Variants in SH3KBP1 observed in about 807,000 individuals in gnomAD.
SH3KBP1 encodes SH3 domain containing kinase binding protein 1.
Under a neutral mutation model 50.1 loss-of-function variants are expected in SH3KBP1, and 8 were observed. The ratio of observed to expected loss-of-function variants is 0.16; its 90% CI spans 0.09 to 0.29. The LOEUF is 0.29. SH3KBP1 is among the 10% of genes least tolerant of loss of function. SH3KBP1 has a pLI of 1.00. For missense variants in SH3KBP1, 377 were observed against 535.2 expected (o/e 0.70, Z 2.92); for synonymous variants, 227 against 218.6 (o/e 1.04, Z -0.34).
intron 2 of SH3KBP1, among the ~76,000 whole-genome samples, chrX:19,764,726 G>A (rs1358519288): frequency 9.0e-6 from 1 of 110,527 alleles, no homozygotes; most frequent in Non-Finnish European, 1.9e-5. Context: ...CCTATGTCGG[G>A]GGTAGTGTTA....
intron 13 of SH3KBP1, among the ~76,000 whole-genome samples, chrX:19,562,303 T>C (rs184010568): frequency 2.8e-4 from 31 of 110,961 alleles, no homozygotes; most frequent in Admixed American, 6.7e-4. Flanking sequence ...AAGCCATAAC[T>C]GGGCTCTGCC....
chrX:19,778,767 G>C (rs771509452), intron 2 of SH3KBP1, among the ~76,000 whole-genome samples: 1 of 110,740 alleles, frequency 9.0e-6, no homozygotes, highest in Non-Finnish European at 1.9e-5. Context: ...GCTTCCAGGA[G>C]TGACACATTG....
chrX:19,691,468 T>A (rs1200009404), intron 5 of SH3KBP1, among the ~76,000 whole-genome samples: 1 of 105,913 alleles, frequency 9.4e-6, no homozygotes, highest in Non-Finnish European at 1.9e-5. Flanking sequence ...TATATTTATA[T>A]CTAATCTAAT....
chrX:19,683,154 A>G (rs2063094909), intron 6 of SH3KBP1, among the ~76,000 whole-genome samples: 1 of 111,548 alleles, frequency 9.0e-6, no homozygotes, highest in South Asian at 3.7e-4. Flanking sequence ...AGTAGACGTC[A>G]TCGGCAGCCA....
At chrX:19,858,216 T>A (rs998272583) in intron 1 of SH3KBP1, among the ~76,000 whole-genome samples, 16 of 110,521 alleles carry the variant, frequency 1.4e-4, no homozygotes, top group Non-Finnish European at 3.0e-4. Flanking sequence ...AAAATTAAAT[T>A]AAAAAGGAAG....
intron 2 of SH3KBP1, among the ~76,000 whole-genome samples, chrX:19,755,309 C>T (rs1337457874): frequency 1.8e-5 from 2 of 111,893 alleles, no homozygotes; most frequent in African/African-American, 6.5e-5. Context: ...GCGGAGGTTG[C>T]AATGAGCCAA....
intron 9 of SH3KBP1, among the ~76,000 whole-genome samples, chrX:19,598,666 A>C (rs1388056528): frequency 9.0e-6 from 1 of 111,454 alleles, no homozygotes; most frequent in Non-Finnish European, 1.9e-5. Context: ...ACATTGTTAC[A>C]TACCAGGAAA....
chrX:19,762,757 T>C (rs957881362), intron 2 of SH3KBP1, among the ~76,000 whole-genome samples: 1 of 111,828 alleles, frequency 8.9e-6, no homozygotes, highest in African/African-American at 3.3e-5. Flanking sequence ...GCTGCGTTAT[T>C]TGTCACCATA....
At chrX:19,620,780 A>C (rs1032009518) in intron 8 of SH3KBP1, among the ~76,000 whole-genome samples, 2 of 112,524 alleles carry the variant, frequency 1.8e-5, no homozygotes, top group Non-Finnish European at 3.8e-5. Context: ...ATGGCCTTGT[A>C]GGAAAAATAG....
intron 9 of SH3KBP1, among the ~76,000 whole-genome samples, chrX:19,607,375 A>C (rs187561685): frequency 4.0e-4 from 45 of 112,791 alleles, no homozygotes; most frequent in Middle Eastern, 4.6e-3. Context: ...ACACAGATGG[A>C]GTGGCTGATT....
chrX:19,865,959 G>A (rs1436106258), intron 1 of SH3KBP1, among the ~76,000 whole-genome samples: 1 of 112,170 alleles, frequency 8.9e-6, no homozygotes, highest in Admixed American at 9.4e-5. Flanking sequence ...TGACAGGAGG[G>A]CATTTTCTAA....
intron 13 of SH3KBP1, among the ~76,000 whole-genome samples, chrX:19,567,168 T>C (rs894576168): frequency 5.6e-5 from 6 of 107,948 alleles, no homozygotes; most frequent in African/African-American, 2.1e-4. Flanking sequence ...AGGGATCTAG[T>C]GGTGATGGAA....
chrX:19,708,984 C>T lies in SH3KBP1; in HGVS notation c.287-2000G>A, dbSNP rs1238840128. ...TGTAAGTTCATATGTTCAAAAAACCCTCTGTAAAAAGTAGCATCTAATCCA... is the reference window on the plus strand; with the variant it reads ...TGTAAGTTCATATGTTCAAAAAACCTTCTGTAAAAAGTAGCATCTAATCCA... On this transcript the variant is annotated intron_variant, in intron 3 of 17. Coordinates refer to ENST00000397821, the MANE Select transcript of SH3KBP1 (RefSeq NM_031892.3). 3.6e-5 allele frequency among the ~76,000 whole-genome samples: 4 copies of T among 111,755 alleles called. No individual in the cohort carries two copies. In the East Asian group the frequency reaches 8.4e-4, roughly 24 times the overall value.
chrX:19,880,995 C>A (rs1292835411), intron 1 of SH3KBP1, among the ~76,000 whole-genome samples: 1 of 111,702 alleles, frequency 9.0e-6, no homozygotes, highest in African/African-American at 3.3e-5. Flanking sequence ...TTTGAACTTC[C>A]GACCTCTAGA....
chrX:19,637,170 C>G (rs1457280514), intron 7 of SH3KBP1, among the ~76,000 whole-genome samples: 1 of 112,225 alleles, frequency 8.9e-6, no homozygotes, highest in Non-Finnish European at 1.9e-5. Flanking sequence ...GGGCTGCACC[C>G]AACCATTAAA....
intron 1 of SH3KBP1, among the ~76,000 whole-genome samples, chrX:19,883,851 G>C (rs759194272): frequency 2.1e-4 from 23 of 111,389 alleles, no homozygotes; most frequent in Non-Finnish European, 4.3e-4. Context: ...AATGTTCCCT[G>C]CTCCTAGAGA....
intron 5 of SH3KBP1, 36 bp downstream of exon 5, chrX:19,695,576 C>G: frequency 8.3e-7 from 1 of 1,203,229 alleles, no homozygotes; most frequent in Non-Finnish European, 1.1e-6. Flanking sequence ...GCCGGTCCCC[C>G]GCCCCTCTCC....
chrX:19,588,486 G>T, intron 12 of SH3KBP1, 157 bp downstream of exon 12: 1 of 1,195,848 alleles, frequency 8.4e-7, no homozygotes, highest in East Asian at 3.1e-5. Context: ...AGAAGTGGCC[G>T]GTGTCTTCAG....
At chrX:19,687,735 A>T in intron 5 of SH3KBP1, 1 of 979,389 alleles carries the variant, frequency 1.0e-6, no homozygotes, top group Non-Finnish European at 1.5e-6. Flanking sequence ...AAAACAAGAG[A>T]GGGGGGAGGA....
Sources: allele counts gnomAD v4.1 joint callset (sites outside exome capture counted in the v4.1 genomes callset), GRCh38; gene constraint gnomAD v4.1.1; transcripts MANE v1.5; gene names NCBI Gene and HGNC (gene_info 2026-07-23, HGNC 2026-07-21).